The following RANBP17 variants were observed in gnomAD, a reference collection of about 807,000 sequenced individuals.
RANBP17 encodes RAN binding protein 17.
In RANBP17, 158 loss-of-function variants were observed where a neutral mutation model predicts 141.2. The observed-to-expected ratio is 1.12, with a 90% CI of 0.98 to 1.28. The LOEUF is 1.28. RANBP17 is among the 50% of genes most tolerant of loss of function. The pLI is 0.00. For synonymous variants in RANBP17, 430 were observed against 450.0 expected (o/e 0.96, Z 0.56); for missense variants, 1,438 against 1,290.7 (o/e 1.11, Z -1.75).
intron 5 of RANBP17, chr5:170,903,722 C>A: frequency 6.5e-6 from 2 of 308,962 alleles, no homozygotes; most frequent in South Asian, 7.9e-5. Flanking sequence ...TTAGCAAAGT[C>A]GACCTCATAG....
At chr5:171,093,802 A>G (rs1402909184) in intron 14 of RANBP17, among the ~76,000 whole-genome samples, 1 of 152,208 alleles carries the variant, frequency 6.6e-6, no homozygotes, top group Non-Finnish European at 1.5e-5. Context: ...AATGCAGACT[A>G]AATCAAAGCT....
rs138777084 is a variant in RANBP17, at chr5:171,296,170, G to A, written c.3170+156G>A. On this transcript the variant is annotated intron_variant, in intron 27 of 27. Coordinates refer to ENST00000523189, the MANE Select transcript of RANBP17 (RefSeq NM_022897.5). ...AGTTCCATTCCATTCAGTAAATATT[G>A]TTGGTTATTTGCTTTCCTCCAGGCG... Among the ~76,000 whole-genome samples the A allele has an allele frequency of 3.1e-3, 465 of 152,246 alleles. 9 individuals are homozygous for A. The South Asian group carries it at 0.04, about 13-fold the overall frequency.
chr5:171,113,664 A>G lies in RANBP17; in HGVS notation c.1711-56466A>G, dbSNP rs1451988020. ...ATCCTGAAGTTCACATAGCTAATAA[A>G]AAAAGGAGCTAGGATTCAGACCTAG... On this transcript the variant is annotated intron_variant, in intron 14 of 27. Coordinates refer to ENST00000523189, the MANE Select transcript of RANBP17 (RefSeq NM_022897.5). Among the ~76,000 whole-genome samples the G allele has an allele frequency of 1.1e-4, 17 of 152,184 alleles. 1 individual carries two copies. Among genetic ancestry groups the G allele is most frequent in the Admixed American group, 9.8e-4 (15 of 15,278 alleles).
At chr5:171,020,879 A>G (rs966246331) in intron 14 of RANBP17, among the ~76,000 whole-genome samples, 1 of 152,002 alleles carries the variant, frequency 6.6e-6, no homozygotes, top group Non-Finnish European at 1.5e-5. Flanking sequence ...ATTGGTCTTT[A>G]TATGTTGGTG....
chr5:171,016,717 A>AT (rs1454343540), intron 14 of RANBP17, among the ~76,000 whole-genome samples: 1 of 151,442 alleles, frequency 6.6e-6, no homozygotes, highest in African/African-American at 2.4e-5. Flanking sequence ...CTATTGACTT[A>AT]TTAGTTGTAC....
intron 14 of RANBP17, among the ~76,000 whole-genome samples, chr5:171,039,386 AGT>A (rs2127632148): frequency 6.6e-6 from 1 of 151,564 alleles, no homozygotes; most frequent in Admixed American, 6.6e-5. Flanking sequence ...TCTTCTGAAA[AGT>A]GTCTGTTCAT....
chr5:171,033,343 A>G (rs1327543193), intron 14 of RANBP17, among the ~76,000 whole-genome samples: 2 of 152,200 alleles, frequency 1.3e-5, no homozygotes, highest in African/African-American at 4.8e-5. Flanking sequence ...TAAAATATGG[A>G]ACTGTCTAGG....
At chr5:171,184,388 A>G (rs1193637096) in intron 18 of RANBP17, among the ~76,000 whole-genome samples, 1 of 152,194 alleles carries the variant, frequency 6.6e-6, no homozygotes, top group Non-Finnish European at 1.5e-5. Context: ...GGCACAGAGG[A>G]CAAATACTAT....
At chr5:171,214,468 TCA>T (rs942269404) in intron 21 of RANBP17, among the ~76,000 whole-genome samples, 7 of 152,204 alleles carry the variant, frequency 4.6e-5, no homozygotes, top group African/African-American at 1.7e-4. Flanking sequence ...AAATTACATG[TCA>T]CTTAGCCATC....
chr5:171,049,319 G>C (rs1317877893), intron 14 of RANBP17, among the ~76,000 whole-genome samples: 2 of 151,790 alleles, frequency 1.3e-5, no homozygotes, highest in African/African-American at 2.4e-5. Flanking sequence ...CCACTTTTCA[G>C]TGAGGTTCTT....
chr5:171,164,614 G>A (rs1759553648), intron 14 of RANBP17, among the ~76,000 whole-genome samples: 1 of 152,074 alleles, frequency 6.6e-6, no homozygotes, highest in South Asian at 2.1e-4. Context: ...AATAAATACG[G>A]CTAAGAAAAC....
intron 14 of RANBP17, among the ~76,000 whole-genome samples, chr5:171,074,684 C>CATCT (rs1161894148): frequency 6.6e-6 from 1 of 152,154 alleles, no homozygotes; most frequent in Admixed American, 6.5e-5. Context: ...AATGAATGAG[C>CATCT]ATCTCTTCGT....
chr5:171,073,604 C>G (rs1209388826), intron 14 of RANBP17, among the ~76,000 whole-genome samples: 2 of 152,032 alleles, frequency 1.3e-5, no homozygotes, highest in Non-Finnish European at 2.9e-5. Flanking sequence ...TAGAACTAAC[C>G]TCAGATATGA....
chr5:171,249,659 G>GCAGAAGAAAGAATCT (rs1249389496), intron 24 of RANBP17, among the ~76,000 whole-genome samples: 1 of 152,112 alleles, frequency 6.6e-6, no homozygotes, highest in Non-Finnish European at 1.5e-5. Context: ...GCTAGATCAG[G>GCAGAAGAAAGAATCT]CAGAAGAAAG....
intron 1 of RANBP17, among the ~76,000 whole-genome samples, chr5:170,867,809 A>G (rs1280544862): frequency 3.3e-5 from 5 of 152,218 alleles, no homozygotes; most frequent in Admixed American, 1.3e-4. Context: ...GTTTTGCCAT[A>G]TGTATACATC....
intron 13 of RANBP17, among the ~76,000 whole-genome samples, chr5:170,965,675 T>G (rs1196765688): frequency 1.3e-5 from 2 of 152,216 alleles, no homozygotes; most frequent in Admixed American, 6.5e-5. Flanking sequence ...CCATTTCTTG[T>G]TTTTCTCAGG....
rs768844546 is a variant in RANBP17, at chr5:170,881,883, G to C, written c.243G>C (p.Gln81His). 6.2e-6 allele frequency: 10 copies of C among 1,603,112 alleles called. No individual in the cohort carries two copies. Among genetic ancestry groups the C allele is most frequent in the Non-Finnish European group, 8.5e-6 (10 of 1,175,214 alleles). ...VSRVSPLPVE[Q>H]RMDIRNYILN... ...GAGTCAGTCCTTTACCTGTTGAGCAGAGGATGGACATCAGTAAGTGGCTTA... is the reference window on the plus strand; with the variant it reads ...GAGTCAGTCCTTTACCTGTTGAGCACAGGATGGACATCAGTAAGTGGCTTA... The change falls in exon 3 of 28, where the codon CAG becomes CAC. Residue 81 changes from glutamine to histidine, a missense_variant. By Grantham distance (24) the Gln-to-His change is conservative. Transcript: ENST00000523189.
intron 20 of RANBP17, among the ~76,000 whole-genome samples, chr5:171,209,817 T>C (rs941391738): frequency 6.6e-6 from 1 of 152,236 alleles, no homozygotes; most frequent in Non-Finnish European, 1.5e-5. Context: ...TACATATTCA[T>C]GGAGTACCTT....
chr5:171,002,832 C>T (rs1779310599), intron 14 of RANBP17, among the ~76,000 whole-genome samples: 1 of 152,040 alleles, frequency 6.6e-6, no homozygotes, highest in South Asian at 2.1e-4. Flanking sequence ...GAGTGAATGT[C>T]AGGTGTATCA....
Sources: allele counts gnomAD v4.1 joint callset (sites outside exome capture counted in the v4.1 genomes callset), GRCh38; gene constraint gnomAD v4.1.1; transcripts MANE v1.5; gene names NCBI Gene and HGNC (gene_info 2026-07-23, HGNC 2026-07-21).